Variants in SLC36A1 observed in about 807,000 individuals in gnomAD.
The protein encoded by SLC36A1 is proton-coupled amino acid transporter 1.
SLC36A1 carries 30 observed loss-of-function variants against 47.5 expected under a neutral mutation model. That is an observed-to-expected ratio of 0.63 (90% CI 0.47 to 0.86). The LOEUF (loss-of-function observed/expected upper bound fraction) is 0.86. Among genes scored for constraint, SLC36A1 ranks in the 40% least tolerant of loss-of-function variants. SLC36A1 has a pLI of 0.00. For missense variants in SLC36A1, 517 were observed against 606.0 expected (o/e 0.85, Z 1.54); for synonymous variants, 255 against 249.7 (o/e 1.02, Z -0.20).
At chr5:151,385,914 C>T in the SLC36A1 span, among the ~76,000 whole-genome samples, 74,220 of 148,386 alleles carry the variant, frequency 0.5, 20,779 homozygotes, top group African/African-American at 0.77. Flanking sequence ...CACTGTCTCC[C>T]GGGCTGGAGT....
the SLC36A1 span, among the ~76,000 whole-genome samples, chr5:151,397,960 T>A: frequency 6.7e-6 from 1 of 149,918 alleles, no homozygotes; most frequent in Non-Finnish European, 1.5e-5. Flanking sequence ...CTACAAAATA[T>A]TATAAGAATT....
chr5:151,553,432 C>A, the SLC36A1 span: 11 of 1,568,398 alleles, frequency 7.0e-6, no homozygotes, highest in Non-Finnish European at 9.6e-6. Flanking sequence ...GGCCAAGAGA[C>A]AGGAAGACCC....
In SLC36A1 at chr5:151,490,091, A is replaced by G. The variant is rs1759984505; in HGVS notation, c.*1837A>G. On this transcript the variant is annotated 3_prime_UTR_variant, in exon 11 of 11. Transcript: ENST00000243389. The stretch of plus-strand genomic sequence containing the variant: ...GTGGACTCTCATTGTAGTGACTCCC[A>G]ACCTACCTAATAATTTGTTAACTTA... The G allele has an allele frequency of 2.6e-5, 4 of 152,106 alleles. No individual in the cohort carries two copies. In the South Asian group the frequency reaches 8.3e-4, roughly 32 times the overall value. The allele number at this position is 152,106 out of a possible 1,614,324, so 9.4% of individuals were successfully genotyped here.
At chr5:151,372,447 T>A in the SLC36A1 span, among the ~76,000 whole-genome samples, 76,214 of 147,804 alleles carry the variant, frequency 0.52, 21,444 homozygotes, top group African/African-American at 0.79. Flanking sequence ...TCATTAAAAA[T>A]TTTTTTTTTT....
chr5:151,504,152 GTCAC>G, the SLC36A1 span: 1 of 152,572 alleles, frequency 6.6e-6, no homozygotes, highest in Non-Finnish European at 1.5e-5. Context: ...CTATGTATCT[GTCAC>G]TCACACTCAC....
At chr5:151,393,409 G>A in the SLC36A1 span, among the ~76,000 whole-genome samples, 1 of 152,114 alleles carries the variant, frequency 6.6e-6, no homozygotes, top group Non-Finnish European at 1.5e-5. Context: ...TACATTTAGG[G>A]TTAATAGTGT....
the SLC36A1 span, among the ~76,000 whole-genome samples, chr5:151,389,300 T>G: frequency 6.6e-6 from 1 of 152,126 alleles, no homozygotes; most frequent in South Asian, 2.1e-4. Context: ...GCTCTTTCCC[T>G]CCCTTTGTAA....
At chr5:151,424,020 G>A in the SLC36A1 span, among the ~76,000 whole-genome samples, 1 of 152,118 alleles carries the variant, frequency 6.6e-6, no homozygotes, top group Non-Finnish European at 1.5e-5. Context: ...AATGTACACG[G>A]GAAGACTAAG....
chr5:151,349,706 T>G, the SLC36A1 span, among the ~76,000 whole-genome samples: 3 of 152,130 alleles, frequency 2.0e-5, no homozygotes, highest in Non-Finnish European at 4.4e-5. Flanking sequence ...GCAAATGGGA[T>G]GTAAATAATG....
the SLC36A1 span, among the ~76,000 whole-genome samples, chr5:151,344,734 C>T: frequency 5.9e-3 from 899 of 152,102 alleles, 48 homozygotes; most frequent in East Asian, 0.12. Context: ...ACTCAGACAG[C>T]GTAAGTAAAG....
chr5:151,538,875 G>A, the SLC36A1 span, among the ~76,000 whole-genome samples: 6 of 151,242 alleles, frequency 4.0e-5, no homozygotes, highest in African/African-American at 7.3e-5. Flanking sequence ...TAGTAGAGAC[G>A]GGGTTTCACC....
At chr5:151,554,357 C>T in the SLC36A1 span, 1 of 1,607,300 alleles carries the variant, frequency 6.2e-7, no homozygotes, top group Non-Finnish European at 8.5e-7. Context: ...CTTCTGTCTG[C>T]TCACCGTTAG....
chr5:151,389,758 A>G, the SLC36A1 span, among the ~76,000 whole-genome samples: 12 of 151,876 alleles, frequency 7.9e-5, no homozygotes, highest in African/African-American at 2.9e-4. Context: ...TTATGGCTGC[A>G]TAGTATGCCA....
intron 10 of SLC36A1, 54 bp downstream of exon 10, chr5:151,479,543 C>G (rs1193342209): frequency 7.6e-6 from 12 of 1,580,044 alleles, no homozygotes; most frequent in African/African-American, 1.3e-5. Flanking sequence ...GGCACCCAGT[C>G]TGCAGGCTTT....
upstream of SLC36A1, among the ~76,000 whole-genome samples, chr5:151,446,122 C>T (rs1752904538): frequency 2.0e-5 from 3 of 152,156 alleles, no homozygotes; most frequent in African/African-American, 7.2e-5. Flanking sequence ...AAACTTCTCT[C>T]TTAGAACTAC....
At chr5:151,417,905 T>C in the SLC36A1 span, among the ~76,000 whole-genome samples, 1 of 152,202 alleles carries the variant, frequency 6.6e-6, no homozygotes, top group Admixed American at 6.5e-5. Flanking sequence ...CCTGGAGGCC[T>C]AGGAGGGTAA....
downstream of SLC36A1, among the ~76,000 whole-genome samples, chr5:151,493,385 C>A (rs1028408415): frequency 1.3e-5 from 2 of 152,160 alleles, no homozygotes; most frequent in Non-Finnish European, 2.9e-5. Context: ...AAGAGTGACA[C>A]CCCCACCACC....
At chr5:151,540,008 G>C in the SLC36A1 span, among the ~76,000 whole-genome samples, 1 of 152,334 alleles carries the variant, frequency 6.6e-6, no homozygotes, top group South Asian at 2.1e-4. Flanking sequence ...GGTTTGTCTG[G>C]GGTCAGGTCT....
At chr5:151,433,231 TATATATATATATATATATATATATATA>T (rs1759481814), upstream of SLC36A1, among the ~76,000 whole-genome samples, 1 of 6,680 alleles carries the variant, frequency 1.5e-4, no homozygotes, top group African/African-American at 5.2e-4. Flanking sequence ...CATATATATA[TATATATATATATATATATATATATATA>T]TATATATATT....
Sources: gnomAD v4.1 joint callset for allele counts (sites outside exome capture counted in the v4.1 genomes callset) on GRCh38, gnomAD v4.1.1 for gene constraint, MANE v1.5 for transcripts, NCBI Gene and HGNC (gene_info 2026-07-23, HGNC 2026-07-21) for gene names.